FLVCR2: variants seen among roughly 807,000 people sequenced by gnomAD.
FLVCR2 encodes the protein FLVCR choline and putative heme transporter 2, also known as choline/ethanolamine transporter FLVCR2.
FLVCR2 carries 38 observed loss-of-function variants against 48.9 expected under a neutral mutation model. The ratio of observed to expected loss-of-function variants is 0.78; its 90% CI spans 0.60 to 1.02. The LOEUF (loss-of-function observed/expected upper bound fraction) is 1.02, where lower values mean the gene tolerates loss of function less well. Among genes scored for constraint, FLVCR2 ranks in the 50% least tolerant of loss-of-function variants. The pLI is 0.00. For synonymous variants in FLVCR2, 255 were observed against 257.0 expected, an observed-to-expected ratio of 0.99 and a Z score of 0.07; for missense variants, 664 against 663.3, an observed-to-expected ratio of 1.00 and a Z score of -0.01.
chr14:75,597,771 T>C (rs10138198), intron 1 of FLVCR2, among the ~76,000 whole-genome samples: 8,211 of 152,148 alleles, frequency 0.054, 708 homozygotes, highest in African/African-American at 0.18. Flanking sequence ...GGTTTCACCA[T>C]GTCGGCCAGG....
rs776527769 is a variant in FLVCR2, at chr14:75,579,446, G to T, written c.474G>T (p.Ser158=). The T allele has an allele frequency of 1.2e-6, 2 of 1,613,742 alleles. No individual in the cohort carries two copies. Among genetic ancestry groups the T allele is most frequent in the Non-Finnish European group, 1.7e-6 (2 of 1,179,960 alleles). ...TGCGCACCATTGCTCTCACTGGCTC[G>T]GCTCTCAACTGCCTGGGGGCCTGGG... The part of the protein sequence containing the change: ...FGLRTIALTG[S]ALNCLGAWVK... The change falls in exon 1 of 10, where the codon TCG becomes TCT. Residue 158 remains serine (S), a synonymous_variant. Transcript: ENST00000238667.
At chr14:75,593,931 T>G (rs1888954654) in intron 1 of FLVCR2, among the ~76,000 whole-genome samples, 1 of 152,250 alleles carries the variant, frequency 6.6e-6, no homozygotes, top group Non-Finnish European at 1.5e-5. Context: ...TTTTCATTAC[T>G]AATTCCACCT....
At chr14:75,594,276 T>C (rs1888963199) in intron 1 of FLVCR2, among the ~76,000 whole-genome samples, 1 of 152,188 alleles carries the variant, frequency 6.6e-6, no homozygotes, top group Admixed American at 6.5e-5. Context: ...TTTAGGCTCT[T>C]CTTAAAGTTC....
chr14:75,612,755 C>T (rs1485766126), intron 1 of FLVCR2, among the ~76,000 whole-genome samples: 2 of 152,166 alleles, frequency 1.3e-5, no homozygotes, highest in Admixed American at 6.5e-5. Flanking sequence ...CTTGGACTCT[C>T]CTTGCTTCTT....
At chr14:75,611,761 A>C (rs986058517) in intron 1 of FLVCR2, among the ~76,000 whole-genome samples, 3 of 152,060 alleles carry the variant, frequency 2.0e-5, no homozygotes, top group African/African-American at 7.3e-5. Flanking sequence ...AACAAACAAA[A>C]AAACCCACAA....
At chr14:75,605,400 T>C (rs1594798683) in intron 1 of FLVCR2, 2 of 1,411,642 alleles carry the variant, frequency 1.4e-6, no homozygotes, top group Non-Finnish European at 9.3e-7. Flanking sequence ...AAGGGCCTTT[T>C]TCTTTGGTGA....
intron 8 of FLVCR2, 64 bp downstream of exon 8, chr14:75,641,357 T>A (rs975681844): frequency 4.8e-6 from 5 of 1,041,942 alleles, no homozygotes; most frequent in Admixed American, 1.7e-5. Context: ...AGTGTCTCGA[T>A]GGAGCAACAG....
chr14:75,599,527 A>G (rs1460867864), intron 1 of FLVCR2, among the ~76,000 whole-genome samples: 3 of 152,230 alleles, frequency 2.0e-5, no homozygotes, highest in Admixed American at 6.5e-5. Flanking sequence ...TGTCAAAACT[A>G]TCTAAAGCAA....
At chr14:75,580,657 G>A (rs2140000085) in intron 1 of FLVCR2, among the ~76,000 whole-genome samples, 1 of 150,572 alleles carries the variant, frequency 6.6e-6, no homozygotes, top group Middle Eastern at 3.4e-3. Flanking sequence ...AGGTGGTGGA[G>A]TTAGGAGCAA....
chr14:75,582,128 C>G (rs1386427422), intron 1 of FLVCR2, among the ~76,000 whole-genome samples: 1 of 152,074 alleles, frequency 6.6e-6, no homozygotes, highest in Non-Finnish European at 1.5e-5. Context: ...TAAGCATTGC[C>G]CTGAGTGATG....
chr14:75,605,353 C>T (rs1167827362), intron 1 of FLVCR2: 2 of 990,388 alleles, frequency 2.0e-6, no homozygotes, highest in Non-Finnish European at 2.8e-6. Context: ...CAAGTTAACC[C>T]AGTGGAATAT....
chr14:75,591,806 CTTT>C (rs1163085989), intron 1 of FLVCR2, among the ~76,000 whole-genome samples: 4 of 109,332 alleles, frequency 3.7e-5, no homozygotes, highest in African/African-American at 3.8e-5. Flanking sequence ...CTCTTCATTC[CTTT>C]TTTTTTTTTT....
At chr14:75,592,484 G>A (rs1888911025) in intron 1 of FLVCR2, among the ~76,000 whole-genome samples, 1 of 152,160 alleles carries the variant, frequency 6.6e-6, no homozygotes, top group East Asian at 1.9e-4. Flanking sequence ...CCTTCTGTCA[G>A]AACTAATCTC....
Position 75,587,572 on chromosome 14 carries a change from A to G in FLVCR2, c.669+7931A>G, listed in dbSNP as rs7143952. On this transcript the variant is annotated intron_variant, in intron 1 of 9. Transcript: ENST00000238667. Reference sequence around the variant, plus strand: ...ATCCAGAGCTGGGATGAGGGAGGGAAGATGAGCCTGGAGAATACAACTGAG... The same window carrying G: ...ATCCAGAGCTGGGATGAGGGAGGGAGGATGAGCCTGGAGAATACAACTGAG... Among the ~76,000 whole-genome samples, 102 of 152,348 alleles carry G rather than the reference A, an allele frequency of 6.7e-4. 1 individual carries two copies. Among genetic ancestry groups the G allele is most frequent in the African/African-American group, 2.3e-3 (94 of 41,572 alleles).
Position 75,624,740 on chromosome 14 carries a change from G to A in FLVCR2, c.940G>A (p.Val314Ile). The change falls in exon 3 of 10, where the codon GTC (valine) becomes ATC (isoleucine). Residue 314 changes from valine (V) to isoleucine (I), a missense_variant. Coordinates refer to ENST00000238667, the MANE Select transcript of FLVCR2 (RefSeq NM_017791.3). ...CAAAAATCTCAACTTTGTGCTGCTT[G>A]TCATCACCTATGGTAAGGTGTCAAT... Reference protein sequence around the residue: ...LFKNLNFVLLVITYGLNAGAF... With the variant: ...LFKNLNFVLLIITYGLNAGAF... The A allele has an allele frequency of 6.2e-7, 1 of 1,614,084 alleles. No homozygotes were observed. Among genetic ancestry groups the A allele is most frequent in the Non-Finnish European group, 8.5e-7 (1 of 1,180,008 alleles).
At chr14:75,627,741 T>C (rs570949463) in intron 3 of FLVCR2, among the ~76,000 whole-genome samples, 85 of 152,324 alleles carry the variant, frequency 5.6e-4, no homozygotes, top group African/African-American at 2.0e-3. Flanking sequence ...CTGCTTAACA[T>C]TGTAGCTGCC....
chr14:75,585,404 G>A (rs1246962623), intron 1 of FLVCR2, among the ~76,000 whole-genome samples: 2 of 152,190 alleles, frequency 1.3e-5, no homozygotes, highest in African/African-American at 2.4e-5. Context: ...GATTGCAGAA[G>A]AAAATAAGGC....
At chr14:75,579,723 C>A in intron 1 of FLVCR2, 82 bp downstream of exon 1, 1 of 1,467,794 alleles carries the variant, frequency 6.8e-7, no homozygotes, top group Non-Finnish European at 9.4e-7. Flanking sequence ...CTATAATTTG[C>A]TGATTGTCCA....
At chr14:75,642,635 A>G (rs1716282483) in intron 9 of FLVCR2, among the ~76,000 whole-genome samples, 1 of 152,252 alleles carries the variant, frequency 6.6e-6, no homozygotes, top group Non-Finnish European at 1.5e-5. Flanking sequence ...TGCTCTTTGT[A>G]GAATAAGTAA....
Sources: allele counts gnomAD v4.1 joint callset (sites outside exome capture counted in the v4.1 genomes callset), GRCh38; gene constraint gnomAD v4.1.1; transcripts MANE v1.5; gene names NCBI Gene and HGNC (gene_info 2026-07-23, HGNC 2026-07-21).